Variants in PNPLA7 observed in about 807,000 individuals in gnomAD.
The protein encoded by PNPLA7 is patatin-like phospholipase domain-containing protein 7.
A neutral mutation model predicts 161.7 loss-of-function variants in PNPLA7; 153 were observed. That is an observed-to-expected ratio of 0.95 (90% CI 0.83 to 1.08). The LOEUF (loss-of-function observed/expected upper bound fraction) is 1.08. Among genes scored for constraint, PNPLA7 ranks in the 50% least tolerant of loss-of-function variants. The probability of loss-of-function intolerance (pLI) is 0.00; values close to 1 mark genes in which losing one functional copy is unlikely to be tolerated. For missense variants in PNPLA7, 1,739 were observed against 1,856.6 expected (o/e 0.94, Z 1.16); for synonymous variants, 809 against 782.1 (o/e 1.03, Z -0.57).
chr9:137,521,184 G>A (rs1007440998), intron 10 of PNPLA7, among the ~76,000 whole-genome samples: 4 of 152,196 alleles, frequency 2.6e-5, no homozygotes, highest in African/African-American at 9.6e-5. Context: ...AGCTCAGTGT[G>A]CAGCCTGCAG....
chr9:137,462,595 G>A (rs575536310), intron 30 of PNPLA7, 90 bp downstream of exon 30: 1 of 1,525,096 alleles, frequency 6.6e-7, no homozygotes, highest in East Asian at 2.4e-5. Context: ...TCAGAGCCCA[G>A]GAGCGACCCC....
rs1320935591 is a variant in PNPLA7, at chr9:137,520,121, G to A, written c.958-78C>T. 2.5e-6 allele frequency: 4 copies of A among 1,578,016 alleles called. No homozygotes were observed. Among genetic ancestry groups the A allele is most frequent in the Non-Finnish European group, 1.7e-6 (2 of 1,164,938 alleles). ...TGACAGGTGTGGGCTCCTCAAAGGT[G>A]TGACAGGTGTGGGCTCCTCAAAGGT... is the stretch of plus-strand genomic sequence containing the variant. On this transcript the variant is annotated intron_variant, in intron 10 of 34. Transcript: ENST00000406427. The surrounding 1 kb of genome is among the most constrained non-coding windows in gnomAD (Gnocchi z 5.2).
intron 12 of PNPLA7, among the ~76,000 whole-genome samples, chr9:137,512,423 C>T (rs552016573): frequency 2.4e-4 from 36 of 152,374 alleles, no homozygotes; most frequent in African/African-American, 7.2e-4. Flanking sequence ...AACCTCACCT[C>T]GGCTGGCAGC....
At chr9:137,482,636 G>A (rs1227971921) in intron 21 of PNPLA7, among the ~76,000 whole-genome samples, 3 of 152,206 alleles carry the variant, frequency 2.0e-5, no homozygotes, top group Admixed American at 1.3e-4. Flanking sequence ...GGCCCCGTGT[G>A]GTGCAGGTCA....
At chr9:137,504,891 T>C (rs1054885722) in intron 14 of PNPLA7, among the ~76,000 whole-genome samples, 1 of 152,158 alleles carries the variant, frequency 6.6e-6, no homozygotes, top group Non-Finnish European at 1.5e-5. Flanking sequence ...TTTTTACCTA[T>C]TTAAAGCTTT....
chr9:137,533,481 A>G, intron 8 of PNPLA7, among the ~76,000 whole-genome samples: 1 of 141,368 alleles, frequency 7.1e-6, no homozygotes, highest in Non-Finnish European at 1.5e-5. Flanking sequence ...AACAGTGTAC[A>G]CTCCAGGCGG....
intron 33 of PNPLA7, 23 bp downstream of exon 33, chr9:137,461,513 C>T (rs1378762901): frequency 3.1e-6 from 5 of 1,602,708 alleles, no homozygotes; most frequent in African/African-American, 2.7e-5. Flanking sequence ...GTCTCCACGG[C>T]TTCGTCTTGC....
intron 8 of PNPLA7, among the ~76,000 whole-genome samples, chr9:137,538,078 G>C (rs1259230996): frequency 1.3e-5 from 2 of 152,164 alleles, no homozygotes; most frequent in East Asian, 1.9e-4. Flanking sequence ...GCTCCAAAGA[G>C]GTGCACAGAG....
chr9:137,511,597 C>A (rs1389557494), intron 12 of PNPLA7, among the ~76,000 whole-genome samples: 2 of 152,234 alleles, frequency 1.3e-5, no homozygotes, highest in Non-Finnish European at 2.9e-5. Flanking sequence ...GGGAGTCTCC[C>A]TTTCCCTGGG....
At chr9:137,470,258 C>T (rs1029871519) in intron 25 of PNPLA7, among the ~76,000 whole-genome samples, 3 of 152,200 alleles carry the variant, frequency 2.0e-5, no homozygotes, top group Admixed American at 6.5e-5. Context: ...TCAAGAAATC[C>T]TCCCTCCTTG....
At position 137,540,905 on chromosome 9, in the gene PNPLA7, A is replaced by C. The variant is rs1836166708; in HGVS notation, c.667-183T>G. On this transcript the variant is annotated intron_variant, in intron 7 of 34. Transcript: ENST00000406427. The surrounding 1 kb of genome is among the most constrained non-coding windows in gnomAD (Gnocchi z 5.1). ...ATGGACCTGCTGGCATCAGGGGTAC[A>C]ACACACAGGAAGCGGCAGCAAGGAA... The C allele has an allele frequency of 5.2e-6, 3 of 574,490 alleles. No individual in the cohort carries two copies. The highest frequency in any genetic ancestry group is 3.8e-5 in the African/African-American group (2 of 53,298). The allele number at this position is 574,490 out of a possible 1,614,324, so 35.6% of individuals were successfully genotyped here.
Position 137,543,661 on chromosome 9 carries a change from T to C in PNPLA7, c.365+63A>G, listed in dbSNP as rs919609409. 6 of 1,611,334 alleles carry C rather than the reference T, an allele frequency of 3.7e-6. No individual in the cohort carries two copies. The highest frequency in any genetic ancestry group is 2.2e-5 in the East Asian group (1 of 44,844). On this transcript the variant is annotated intron_variant, in intron 5 of 34. Transcript: ENST00000406427. This position sits in a 1 kb window ranked among gnomAD's most constrained non-coding sequence, Gnocchi z 6.9. ...GGCTGACACACCAGGCAGCTCAGGG[T>C]TGGGGAGGCCAGCACCATGGGGGGC...
chr9:137,460,916 T>C (rs987310116), intron 33 of PNPLA7, 179 bp from the exon 34 acceptor site: 8 of 590,518 alleles, frequency 1.4e-5, no homozygotes, highest in Non-Finnish European at 2.1e-5. Context: ...TGGTTCTGTC[T>C]GGCTCCAGCT....
At chr9:137,485,204 G>A (rs1832414156) in intron 20 of PNPLA7, among the ~76,000 whole-genome samples, 1 of 152,276 alleles carries the variant, frequency 6.6e-6, no homozygotes, top group Admixed American at 6.5e-5. Flanking sequence ...CAGGCCCAGG[G>A]AGTGGATTCC....
Position 137,467,178 on chromosome 9 carries a change from C to T in PNPLA7, c.3039+139G>A, listed in dbSNP as rs776189870. ...GTGCTCCTTTGCCTCACAAGCTGCA[C>T]TGGGAGGCTTCAGGGGGTAGCCTCC... On this transcript the variant is annotated intron_variant, in intron 26 of 34. Coordinates refer to ENST00000406427, the MANE Select transcript of PNPLA7 (RefSeq NM_001098537.3). The surrounding 1 kb of genome is among the most constrained non-coding windows in gnomAD (Gnocchi z 5.1). The T allele has an allele frequency of 5.1e-4, 621 of 1,218,412 alleles. 1 individual carries two copies. Among genetic ancestry groups the T allele is most frequent in the Middle Eastern group, 2.6e-3 (9 of 3,510 alleles). The allele number at this position is 1,218,412 out of a possible 1,614,324, so 75.5% of individuals were successfully genotyped here.
chr9:137,516,299 C>T (rs1834565823), intron 11 of PNPLA7: 1 of 983,084 alleles, frequency 1.0e-6, no homozygotes, highest in Non-Finnish European at 1.2e-6. Context: ...GCTGCATCTG[C>T]CCCTCAGGTG....
rs757109106 is a variant in PNPLA7, at chr9:137,498,155, G to A, written c.1848C>T (p.Ala616=). 2.5e-6 allele frequency: 4 copies of A among 1,613,022 alleles called. No homozygotes were observed. Among genetic ancestry groups the A allele is most frequent in the Non-Finnish European group, 2.5e-6 (3 of 1,179,994 alleles). The change falls in exon 17 of 35, where the codon GCC becomes GCT. Residue 616 remains alanine, a synonymous_variant. Transcript: ENST00000406427. ...MSSFVRQIDF[A]LDWVEVEAGR... ...CGGCCTCCACCTCCACCCAGTCCAG[G>A]GCAAAGTCGATTTGCCGCACGAAGG... is the stretch of plus-strand genomic sequence containing the variant.
In PNPLA7 at chr9:137,546,816, CG is replaced by C; in HGVS notation, c.273+13del. On this transcript the variant is annotated intron_variant, in intron 4 of 34. Transcript: ENST00000406427. ...GGAAGCCGTGTGCAGCCTGGGGCCCCGAGCAACAGCTACCTTCCTCATGATC... is the reference window on the plus strand; with the variant it reads ...GGAAGCCGTGTGCAGCCTGGGGCCCCAGCAACAGCTACCTTCCTCATGATC... 1 of 1,613,424 alleles carries C rather than the reference CG, an allele frequency of 6.2e-7. No individual in the cohort carries two copies. The highest frequency in any genetic ancestry group is 8.5e-7 in the Non-Finnish European group (1 of 1,179,898).
intron 29 of PNPLA7, 143 bp from the exon 30 acceptor site, chr9:137,462,976 C>T (rs1831291901): frequency 5.2e-6 from 6 of 1,154,242 alleles, no homozygotes; most frequent in Admixed American, 4.9e-5. Context: ...AGAAGACCCA[C>T]ATGCCCAGCT....
Sources: gnomAD v4.1 joint callset for allele counts (sites outside exome capture counted in the v4.1 genomes callset) on GRCh38, gnomAD v4.1.1 for gene constraint, Gnocchi (gnomAD v3.1) non-coding constraint, MANE v1.5 for transcripts, NCBI Gene and HGNC (gene_info 2026-07-23, HGNC 2026-07-21) for gene names.